ATRN: variants seen among roughly 807,000 people sequenced by gnomAD.
The protein encoded by ATRN is attractin.
ATRN carries 54 observed loss-of-function variants against 178.7 expected under a neutral mutation model. The observed-to-expected ratio is 0.30, with a 90% CI of 0.24 to 0.38. The LOEUF is 0.38. Among genes scored for constraint, ATRN ranks in the 10% least tolerant of loss-of-function variants. ATRN has a pLI of 1.00. For missense variants in ATRN, 1,443 were observed against 1,815.1 expected (o/e 0.79, Z 3.73); for synonymous variants, 636 against 663.0 (o/e 0.96, Z 0.63).
chr20:3,638,498 A>G lies in ATRN; in HGVS notation c.3943-330A>G, dbSNP rs1001914877. 6.6e-6 allele frequency among the ~76,000 whole-genome samples: 1 copy of G among 152,216 alleles called. No individual in the cohort carries two copies. The highest frequency in any genetic ancestry group is 2.1e-4 in the South Asian group (1 of 4,830). ...ATGGCCGCATAGTATTCCATGGTGT[A>G]TATGTGCCATGTTTTCTTTATCCAG... On this transcript the variant is annotated intron_variant, in intron 26 of 28. Transcript: ENST00000262919. The surrounding 1 kb of genome is among the most constrained non-coding windows in gnomAD (Gnocchi z 4.5).
intron 26 of ATRN, among the ~76,000 whole-genome samples, chr20:3,635,532 C>T (rs1040978787): frequency 4.6e-5 from 7 of 152,022 alleles, no homozygotes; most frequent in African/African-American, 1.2e-4. Context: ...GAAATGCTCA[C>T]GTGTATATAA....
chr20:3,547,193 T>G, intron 4 of ATRN, 91 bp from the exon 5 acceptor site: 364 of 1,006,440 alleles, frequency 3.6e-4, no homozygotes, highest in Middle Eastern at 5.9e-4. Context: ...ACTGAGACAG[T>G]GAGATTCTTA....
At chr20:3,611,159 G>A (rs2086758920) in intron 24 of ATRN, among the ~76,000 whole-genome samples, 1 of 152,130 alleles carries the variant, frequency 6.6e-6, no homozygotes, top group African/African-American at 2.4e-5. Flanking sequence ...TACTAAAAAC[G>A]TGATTCATAA....
At chr20:3,508,598 A>C (rs974395400) in intron 1 of ATRN, among the ~76,000 whole-genome samples, 2 of 152,216 alleles carry the variant, frequency 1.3e-5, no homozygotes, top group Admixed American at 1.3e-4. Flanking sequence ...TCAGATGAAC[A>C]AATACAGAGG....
At chr20:3,572,023 CATATGTT>C (rs1233544652) in intron 11 of ATRN, among the ~76,000 whole-genome samples, 2 of 151,892 alleles carry the variant, frequency 1.3e-5, no homozygotes, top group African/African-American at 4.8e-5. Flanking sequence ...TATTTTTTTC[CATATGTT>C]TAGTTATCTT....
chr20:3,503,666 A>T (rs528049232), intron 1 of ATRN, among the ~76,000 whole-genome samples: 3 of 152,314 alleles, frequency 2.0e-5, no homozygotes, highest in Admixed American at 1.3e-4. Flanking sequence ...GAACTATAGA[A>T]TTCACTTAAT....
At chr20:3,536,430 C>A (rs979267571) in intron 2 of ATRN, among the ~76,000 whole-genome samples, 1 of 151,990 alleles carries the variant, frequency 6.6e-6, no homozygotes, top group Non-Finnish European at 1.5e-5. Flanking sequence ...AGGCTGGTCT[C>A]GAACTCCTGA....
intron 1 of ATRN, among the ~76,000 whole-genome samples, chr20:3,509,962 A>G (rs2085102532): frequency 6.6e-6 from 1 of 152,118 alleles, no homozygotes; most frequent in Non-Finnish European, 1.5e-5. Flanking sequence ...GCACACATAC[A>G]CAGATATGTG....
chr20:3,531,379 G>A (rs528526999), intron 1 of ATRN, among the ~76,000 whole-genome samples: 1 of 152,256 alleles, frequency 6.6e-6, no homozygotes, highest in South Asian at 2.1e-4. Flanking sequence ...TTTTGGCCTA[G>A]TATACCTCCT....
intron 2 of ATRN, 128 bp downstream of exon 2, chr20:3,535,464 A>G (rs560956850): frequency 2.2e-5 from 8 of 362,426 alleles, no homozygotes; most frequent in Non-Finnish European, 3.5e-5. Flanking sequence ...ATAACCTTTC[A>G]TTTGACAAGT....
intron 1 of ATRN, among the ~76,000 whole-genome samples, chr20:3,528,453 G>T (rs954298704): frequency 2.6e-5 from 4 of 152,060 alleles, no homozygotes; most frequent in Non-Finnish European, 4.4e-5. Context: ...CAGCATGGAT[G>T]CAGGGAGGCC....
At chr20:3,623,190 C>T (rs618047) in intron 24 of ATRN, among the ~76,000 whole-genome samples, 106,812 of 151,846 alleles carry the variant, frequency 0.7, 38,207 homozygotes, top group East Asian at 0.98. Context: ...CCAGTCTTAT[C>T]TAAAACTTTT....
At chr20:3,492,901 CTA>C (rs2084822907) in intron 1 of ATRN, among the ~76,000 whole-genome samples, 1 of 135,762 alleles carries the variant, frequency 7.4e-6, no homozygotes. Context: ...ACACACATAA[CTA>C]ATATATATAA....
At chr20:3,598,029 GT>G in intron 22 of ATRN, 29 bp downstream of exon 22, 1 of 1,459,080 alleles carries the variant, frequency 6.9e-7, no homozygotes, top group Non-Finnish European at 9.6e-7. Flanking sequence ...TTCCTATTTT[GT>G]TTTGAATTTG....
At position 3,526,015 on chromosome 20, in the gene ATRN, A is replaced by G. The variant is rs1181445990; in HGVS notation, c.411-9238A>G. 2.6e-5 allele frequency among the ~76,000 whole-genome samples: 4 copies of G among 152,070 alleles called. No individual in the cohort carries two copies. The East Asian group carries it at 7.7e-4, about 29-fold the overall frequency. ...CAAGACAAGGATGCCCTCTCTCACCACTCCTATTCAACCTAATATGGAAGT... is the reference window on the plus strand; with the variant it reads ...CAAGACAAGGATGCCCTCTCTCACCGCTCCTATTCAACCTAATATGGAAGT... On this transcript the variant is annotated intron_variant, in intron 1 of 28. Coordinates refer to ENST00000262919, the MANE Select transcript of ATRN (RefSeq NM_139321.3).
intron 1 of ATRN, among the ~76,000 whole-genome samples, chr20:3,472,830 A>T (rs1418094592): frequency 6.6e-6 from 1 of 152,170 alleles, no homozygotes; most frequent in Non-Finnish European, 1.5e-5. Flanking sequence ...AAAATTACAG[A>T]TGGAAAGAAG....
intron 2 of ATRN, among the ~76,000 whole-genome samples, chr20:3,536,816 G>A (rs1479386569): frequency 1.3e-5 from 2 of 151,612 alleles, no homozygotes; most frequent in African/African-American, 4.8e-5. Flanking sequence ...TGAATATGAA[G>A]TAGGAAAAAA....
Position 3,540,269 on chromosome 20 carries a change from G to A in ATRN, c.542G>A (p.Cys181Tyr). ...CGTTTCAATCATTTTGCTACAGAGTGTAGTTGGGACCATTTATATGTTTAT... is the reference window on the plus strand; with the variant it reads ...CGTTTCAATCATTTTGCTACAGAGTATAGTTGGGACCATTTATATGTTTAT... ...RLRFNHFATE[C>Y]SWDHLYVYDG... Residue 181 changes from cysteine to tyrosine, a missense_variant, in exon 3 of 29, where the codon TGT becomes TAT. Around this residue, in one of 4 missense-constraint regions of ATRN, gnomAD observed 862 missense variants for 972.1 expected, o/e 0.89. Transcript: ENST00000262919. The A allele has an allele frequency of 6.2e-7, 1 of 1,610,800 alleles. No homozygotes were observed. Among genetic ancestry groups the A allele is most frequent in the Non-Finnish European group, 8.5e-7 (1 of 1,178,520 alleles).
intron 23 of ATRN, among the ~76,000 whole-genome samples, chr20:3,601,558 A>T (rs1363669850): frequency 6.6e-6 from 1 of 152,098 alleles, no homozygotes; most frequent in Non-Finnish European, 1.5e-5. Context: ...CTGTATAGAA[A>T]ATCTAAAGAA....
Sources: gnomAD v4.1 joint callset for allele counts (sites outside exome capture counted in the v4.1 genomes callset) on GRCh38, gnomAD v4.1.1 for gene constraint, gnomAD v4.1.1 regional missense constraint, Gnocchi (gnomAD v3.1) non-coding constraint, MANE v1.5 for transcripts, NCBI Gene and HGNC (gene_info 2026-07-23, HGNC 2026-07-21) for gene names.